The following ALDH1A3 variants were observed in gnomAD, a reference collection of about 807,000 sequenced individuals.
ALDH1A3 encodes the protein retinaldehyde dehydrogenase 3.
In ALDH1A3, 28 loss-of-function variants were observed where a neutral mutation model predicts 57.5. The ratio of observed to expected loss-of-function variants is 0.49; its 90% confidence interval spans 0.36 to 0.67. The LOEUF is 0.67. Among genes scored for constraint, ALDH1A3 ranks in the 30% least tolerant of loss-of-function variants. ALDH1A3 has a pLI of 0.00. For missense variants in ALDH1A3, 507 were observed against 669.4 expected (o/e 0.76, Z 2.68); for synonymous variants, 281 against 264.8 (o/e 1.06, Z -0.59).
rs1214770256 is a variant in ALDH1A3 at position 100,906,075 on chromosome 15, CT to C, written c.1233+389del. Among the ~76,000 whole-genome samples the C allele has an allele frequency of 1.3e-5, 2 of 152,172 alleles. No homozygotes were observed. Among genetic ancestry groups the C allele is most frequent in the Non-Finnish European group, 2.9e-5 (2 of 68,030 alleles). ...TTTTGCCAGGAATCAGTTCAAGAAC[CT>C]GTGGATTCAGGGCCCAAAGCCGCCT... On this transcript the variant is annotated intron_variant, in intron 10 of 12. Coordinates refer to ENST00000329841, the MANE Select transcript of ALDH1A3 (RefSeq NM_000693.4). The surrounding 1 kb of genome is among the most constrained non-coding windows in gnomAD (Gnocchi z 4.8).
chr15:100,890,525 T>C (rs2041638211), intron 3 of ALDH1A3, among the ~76,000 whole-genome samples: 1 of 152,186 alleles, frequency 6.6e-6, no homozygotes, highest in African/African-American at 2.4e-5. Context: ...CTTGCTGAAG[T>C]TGACAATAAA....
intron 3 of ALDH1A3, among the ~76,000 whole-genome samples, chr15:100,890,408 A>AT (rs926971070): frequency 6.6e-5 from 10 of 152,016 alleles, no homozygotes; most frequent in Admixed American, 5.2e-4. Context: ...CACCTGCATA[A>AT]TTTTTTTTAA....
At chr15:100,908,661 AC>A (rs1171818213) in intron 12 of ALDH1A3, among the ~76,000 whole-genome samples, 179 bp downstream of exon 12, 3 of 151,412 alleles carry the variant, frequency 2.0e-5, no homozygotes, top group Non-Finnish European at 4.4e-5. Flanking sequence ...TCTCCAGCCC[AC>A]CCTTCCCACT....
intron 1 of ALDH1A3, chr15:100,881,409 T>G (rs2141543531): frequency 6.6e-6 from 1 of 152,338 alleles, no homozygotes; most frequent in Non-Finnish European, 1.5e-5. Flanking sequence ...CTGCTGCTAC[T>G]GATGGTTAAG....
intron 4 of ALDH1A3, 99 bp from the exon 5 acceptor site, chr15:100,892,846 T>G: frequency 7.1e-7 from 1 of 1,403,536 alleles, no homozygotes; most frequent in South Asian, 1.3e-5. Context: ...GACTTGAATC[T>G]GGCACCCTTG....
intron 7 of ALDH1A3, among the ~76,000 whole-genome samples, chr15:100,896,408 A>G (rs1872443651): frequency 6.6e-6 from 1 of 151,676 alleles, no homozygotes; most frequent in East Asian, 1.9e-4. Flanking sequence ...TGCTCCTACA[A>G]GTCAATGAAA....
chr15:100,896,045 A>T lies in ALDH1A3; in HGVS notation c.779A>T (p.Glu260Val), dbSNP rs1354785586. The T allele has an allele frequency of 6.2e-7, 1 of 1,606,486 alleles. No homozygotes were observed. Among genetic ancestry groups the T allele is most frequent in the Non-Finnish European group, 8.5e-7 (1 of 1,176,274 alleles). Residue 260 changes from glutamate (E) to valine (V), a missense_variant and splice_region_variant, in exon 7 of 13, where the codon GAG (glutamate) becomes GTG (valine). Around this residue, in one of 2 missense-constraint regions of ALDH1A3, gnomAD observed 432 missense variants for 608.4 expected, o/e 0.71. Coordinates refer to ENST00000329841, the MANE Select transcript of ALDH1A3 (RefSeq NM_000693.4). ...AAGATCGCCTTCACCGGCTCCACAG[A>T]GGTAACCCTCCTCACAGGGTGCTGG... is the stretch of plus-strand genomic sequence containing the variant. ...INKIAFTGST[E>V]VGKLVKEAAS...
chr15:100,902,838 C>G (rs954974349), intron 9 of ALDH1A3, among the ~76,000 whole-genome samples: 28 of 152,212 alleles, frequency 1.8e-4, no homozygotes, highest in Admixed American at 1.8e-3. Context: ...AGGTTTTCCA[C>G]GGGGACCCAG....
intron 1 of ALDH1A3, among the ~76,000 whole-genome samples, chr15:100,883,698 T>A (rs1028495400): frequency 6.6e-6 from 1 of 151,996 alleles, no homozygotes; most frequent in Admixed American, 6.5e-5. Flanking sequence ...GGGGTACATG[T>A]GCAGGATGTG....
intron 7 of ALDH1A3, among the ~76,000 whole-genome samples, chr15:100,897,281 C>T (rs754089968): frequency 6.6e-6 from 1 of 152,222 alleles, no homozygotes; most frequent in Non-Finnish European, 1.5e-5. Context: ...GAGCCTGGGC[C>T]GCGCCTTGCT....
At chr15:100,900,931 G>T (rs923686677) in intron 9 of ALDH1A3, among the ~76,000 whole-genome samples, 172 bp downstream of exon 9, 2 of 152,156 alleles carry the variant, frequency 1.3e-5, no homozygotes, top group Non-Finnish European at 2.9e-5. Context: ...GTCAGGTCCC[G>T]GGGGCTCACG....
chr15:100,900,427 T>C, intron 8 of ALDH1A3, 148 bp from the exon 9 acceptor site: 1 of 778,314 alleles, frequency 1.3e-6, no homozygotes, highest in Non-Finnish European at 2.0e-6. Context: ...TGGGAAAGTC[T>C]GCAAACAAAA....
Position 100,892,750 on chromosome 15 carries a change from C to G in ALDH1A3, c.475+111C>G, listed in dbSNP as rs755883911. On this transcript the variant is annotated intron_variant, in intron 4 of 12. Transcript: ENST00000329841. Reference sequence around the variant, plus strand: ...CTAAGGCACCATTCCCAACCCCACTCCCTCTCCAAATGGTACTGCCAATTC... The same window carrying G: ...CTAAGGCACCATTCCCAACCCCACTGCCTCTCCAAATGGTACTGCCAATTC... The G allele has an allele frequency of 3.5e-4, 501 of 1,450,944 alleles. 1 individual carries two copies. Among genetic ancestry groups the G allele is most frequent in the Non-Finnish European group, 4.5e-4 (483 of 1,075,346 alleles). 89.9% of individuals were successfully genotyped at this position (1,450,944 alleles called of 1,614,324 possible).
rs2041604124 is a variant in ALDH1A3 at position 100,887,258 on chromosome 15, A to T, written c.205-314A>T. On this transcript the variant is annotated intron_variant, in intron 2 of 12. Transcript: ENST00000329841. This position sits in a 1 kb window ranked among gnomAD's most constrained non-coding sequence, Gnocchi z 4.6. ...ATGGCCGTGGTCCCAAACTGCAGTC[A>T]CGTCAAAAGATGACACCCAAACTGC... Among the ~76,000 whole-genome samples, 10 of 152,148 alleles carry T rather than the reference A, an allele frequency of 6.6e-5. No homozygotes were observed. Among genetic ancestry groups the T allele is most frequent in the Admixed American group, 6.5e-4 (10 of 15,286 alleles).
Position 100,887,649 on chromosome 15 carries a change from G to C in ALDH1A3, c.282G>C (p.Leu94=). The C allele has an allele frequency of 1.2e-6, 2 of 1,611,972 alleles. No homozygotes were observed. Among genetic ancestry groups the C allele is most frequent in the Non-Finnish European group, 1.7e-6 (2 of 1,179,078 alleles). Residue 94 remains leucine, a synonymous_variant, in exon 3 of 13, where the codon CTG becomes CTC. Transcript: ENST00000329841. This position sits in a 1 kb window ranked among gnomAD's most constrained non-coding sequence, Gnocchi z 4.6. ...RGSPWRRLDA[L]SRGRLLHQLA... Reference sequence around the variant, plus strand: ...CGCCATGGCGCCGGCTGGATGCCCTGAGTCGTGGGCGGCTGCTGCACCAGC... The same window carrying C: ...CGCCATGGCGCCGGCTGGATGCCCTCAGTCGTGGGCGGCTGCTGCACCAGC...
At position 100,879,839 on chromosome 15, in the gene ALDH1A3, G is replaced by A; in HGVS notation, c.-69G>A. 1 of 1,168,440 alleles carries A rather than the reference G, an allele frequency of 8.6e-7. No individual in the cohort carries two copies. The highest frequency in any genetic ancestry group is 1.1e-6 in the Non-Finnish European group (1 of 908,654). 72.4% of individuals were successfully genotyped at this position (1,168,440 alleles called of 1,614,324 possible). On this transcript the variant is annotated 5_prime_UTR_variant, in exon 1 of 13. Coordinates refer to ENST00000329841, the MANE Select transcript of ALDH1A3 (RefSeq NM_000693.4). ...GGAGCTGCCACCCCGGGAGCGGGCT[G>A]CGCAGTGTCCGGGCCGAGCCGGTGC...
At chr15:100,907,040 T>C (rs1355455239) in intron 10 of ALDH1A3, 81 bp from the exon 11 acceptor site, 1 of 1,494,904 alleles carries the variant, frequency 6.7e-7, no homozygotes, top group African/African-American at 1.4e-5. Flanking sequence ...GAAAAACATG[T>C]AAAGAGAAGG....
At chr15:100,907,840 C>CT (rs1323671806) in intron 11 of ALDH1A3, among the ~76,000 whole-genome samples, 4 of 83,678 alleles carry the variant, frequency 4.8e-5, no homozygotes, top group African/African-American at 1.2e-4. Flanking sequence ...TTCTTTCTTT[C>CT]TTTCTTTTTT....
chr15:100,879,973 C>G lies in ALDH1A3; in HGVS notation c.66C>G (p.Arg22=). The change falls in exon 1 of 13, where the codon CGC becomes CGG. Residue 22 remains arginine (R), a synonymous_variant. Coordinates refer to ENST00000329841, the MANE Select transcript of ALDH1A3 (RefSeq NM_000693.4). ...ACAGGAAGCCGCCGGCCCTGCCGCG[C>G]CCCATCCGCAACCTGGAGGTCAAGT... ...QPDRKPPALP[R]PIRNLEVKFT... The G allele has an allele frequency of 6.8e-7, 1 of 1,476,916 alleles. No homozygotes were observed. The highest frequency in any genetic ancestry group is 9.0e-7 in the Non-Finnish European group (1 of 1,112,586). The allele number at this position is 1,476,916 out of a possible 1,614,324, so 91.5% of individuals were successfully genotyped here. A position where few individuals can be genotyped will look rare whatever the true frequency, so the allele number is the denominator to read the frequency against.
Sources: gnomAD v4.1 joint callset for allele counts (sites outside exome capture counted in the v4.1 genomes callset) on GRCh38, gnomAD v4.1.1 for gene constraint, gnomAD v4.1.1 regional missense constraint, Gnocchi (gnomAD v3.1) non-coding constraint, MANE v1.5 for transcripts, NCBI Gene and HGNC (gene_info 2026-07-23, HGNC 2026-07-21) for gene names.